The following LSM14A variants were observed in gnomAD, a reference collection of about 807,000 sequenced individuals.
LSM14A encodes protein LSM14 homolog A.
LSM14A carries 14 observed loss-of-function variants against 52.4 expected under a neutral mutation model. The ratio of observed to expected loss-of-function variants is 0.27; its 90% confidence interval spans 0.18 to 0.42. LSM14A has a LOEUF of 0.42. LSM14A is among the 10% of genes least tolerant of loss of function. LSM14A has a pLI of 1.00. For synonymous variants in LSM14A, 185 were observed against 200.3 expected (o/e 0.92, Z 0.64); for missense variants, 417 against 581.8 (o/e 0.72, Z 2.91).
intron 3 of LSM14A, among the ~76,000 whole-genome samples, chr19:34,201,418 C>T (rs1370973508): frequency 6.6e-6 from 1 of 152,232 alleles, no homozygotes; most frequent in African/African-American, 2.4e-5. Flanking sequence ...TCTCAGCTCA[C>T]TGCAGCCCCC....
At chr19:34,190,643 A>C (rs1258733621) in intron 1 of LSM14A, among the ~76,000 whole-genome samples, 1 of 151,360 alleles carries the variant, frequency 6.6e-6, no homozygotes, top group Non-Finnish European at 1.5e-5. Flanking sequence ...CTCTCCATTC[A>C]TTTTAATCTC....
intron 6 of LSM14A, among the ~76,000 whole-genome samples, chr19:34,218,912 A>G (rs559298149): frequency 6.6e-6 from 1 of 152,216 alleles, no homozygotes; most frequent in South Asian, 2.1e-4. Context: ...TTTTCTTGCA[A>G]TTTGTGCCGA....
At chr19:34,206,679 G>T (rs1216372716) in intron 3 of LSM14A, among the ~76,000 whole-genome samples, 4 of 151,664 alleles carry the variant, frequency 2.6e-5, no homozygotes, top group Non-Finnish European at 5.9e-5. Context: ...ATCTCAAAAA[G>T]AAAAAAAGAA....
chr19:34,226,687 A>C (rs79246173), intron 9 of LSM14A, among the ~76,000 whole-genome samples: 3,787 of 152,248 alleles, frequency 0.025, 160 homozygotes, highest in African/African-American at 0.088. Flanking sequence ...AAAACCAGGT[A>C]TATGGTAGCA....
chr19:34,204,089 C>T (rs1051480086), intron 3 of LSM14A, among the ~76,000 whole-genome samples: 1 of 151,978 alleles, frequency 6.6e-6, no homozygotes, highest in Non-Finnish European at 1.5e-5. Flanking sequence ...GTTGGGGGGG[C>T]GTTCTTCGTA....
chr19:34,202,042 G>A (rs112874122), intron 3 of LSM14A, among the ~76,000 whole-genome samples: 3,921 of 150,702 alleles, frequency 0.026, 169 homozygotes, highest in African/African-American at 0.092. Flanking sequence ...GGCTGATCTC[G>A]AACTCCTGGG....
chr19:34,185,773 C>T (rs1350130720), intron 1 of LSM14A, among the ~76,000 whole-genome samples: 3 of 152,044 alleles, frequency 2.0e-5, no homozygotes, highest in Non-Finnish European at 4.4e-5. Flanking sequence ...TGTATGGCAC[C>T]GAATGGACAA....
intron 3 of LSM14A, among the ~76,000 whole-genome samples, chr19:34,201,203 A>T (rs1473912431): frequency 6.6e-6 from 1 of 152,098 alleles, no homozygotes; most frequent in Non-Finnish European, 1.5e-5. Context: ...ATTATTTTTG[A>T]TTAATTGATT....
intron 9 of LSM14A, among the ~76,000 whole-genome samples, chr19:34,226,183 T>A (rs1268352773): frequency 1.3e-5 from 2 of 152,072 alleles, no homozygotes; most frequent in Non-Finnish European, 2.9e-5. Context: ...GCAATAATAA[T>A]GTAACCAGCT....
chr19:34,188,519 G>A (rs1210489647), intron 1 of LSM14A, among the ~76,000 whole-genome samples: 1 of 152,144 alleles, frequency 6.6e-6, no homozygotes, highest in Non-Finnish European at 1.5e-5. Context: ...GGCACTTAGT[G>A]TAGTCACAGT....
intron 4 of LSM14A, among the ~76,000 whole-genome samples, chr19:34,211,816 G>C (rs2072180669): frequency 6.6e-6 from 1 of 151,916 alleles, no homozygotes; most frequent in Non-Finnish European, 1.5e-5. Context: ...ATGTTGGGAA[G>C]ACTTTACTCC....
chr19:34,187,728 C>A (rs940460897), intron 1 of LSM14A, among the ~76,000 whole-genome samples: 9 of 152,112 alleles, frequency 5.9e-5, no homozygotes, highest in East Asian at 5.8e-4. Flanking sequence ...AAGTTTGTCA[C>A]TACAACTTAT....
At chr19:34,180,132 C>T (rs1465495137) in intron 1 of LSM14A, among the ~76,000 whole-genome samples, 6 of 152,144 alleles carry the variant, frequency 3.9e-5, no homozygotes, top group South Asian at 2.1e-4. Context: ...CTGCCCAGGT[C>T]GGTCTCTAAC....
chr19:34,210,061 G>T (rs1272349211), intron 4 of LSM14A, among the ~76,000 whole-genome samples: 2 of 151,862 alleles, frequency 1.3e-5, no homozygotes, highest in Admixed American at 6.6e-5. Context: ...GGTATTTTTG[G>T]CTCATTGCTT....
intron 9 of LSM14A, among the ~76,000 whole-genome samples, chr19:34,222,979 C>T (rs183609260): frequency 6.6e-6 from 1 of 152,314 alleles, no homozygotes; most frequent in Non-Finnish European, 1.5e-5. Context: ...ATATTTGACA[C>T]TGACCAACCA....
chr19:34,177,682 G>T (rs1189724555), intron 1 of LSM14A, among the ~76,000 whole-genome samples: 1 of 152,066 alleles, frequency 6.6e-6, no homozygotes, highest in African/African-American at 2.4e-5. Context: ...GAGCCCAGGA[G>T]TTCAAAACCA....
rs2071787213 is a variant in LSM14A, at chr19:34,207,466, C to T, written c.416-1463C>T. Among the ~76,000 whole-genome samples the T allele has an allele frequency of 2.0e-5, 3 of 152,102 alleles. 1 individual carries two copies. In the South Asian group the frequency reaches 6.2e-4, roughly 32 times the overall value. ...TTACTGGAGCTGCAGCCAGACTGGA[C>T]TGCACCTCCAAGGGAGTCCCAGTGG... On this transcript the variant is annotated intron_variant, in intron 3 of 9. Transcript: ENST00000544216.
intron 9 of LSM14A, among the ~76,000 whole-genome samples, chr19:34,223,153 TC>T (rs1309674382): frequency 6.6e-6 from 1 of 152,076 alleles, no homozygotes; most frequent in Non-Finnish European, 1.5e-5. Context: ...TGATCATAAG[TC>T]ACTGCAGCCT....
chr19:34,174,192 A>G (rs542965225), intron 1 of LSM14A, among the ~76,000 whole-genome samples: 2 of 152,096 alleles, frequency 1.3e-5, no homozygotes, highest in South Asian at 4.1e-4. Flanking sequence ...CAGGTGATCC[A>G]CCCGCCTCGG....
Sources: allele counts gnomAD v4.1 joint callset (sites outside exome capture counted in the v4.1 genomes callset), GRCh38; gene constraint gnomAD v4.1.1; transcripts MANE v1.5; gene names NCBI Gene and HGNC (gene_info 2026-07-23, HGNC 2026-07-21).